SGCZ: variants seen among roughly 807,000 people sequenced by gnomAD.
The protein encoded by SGCZ is sarcoglycan zeta.
SGCZ carries 40 observed loss-of-function variants against 41.3 expected under a neutral mutation model. The observed-to-expected ratio is 0.97, with a 90% CI of 0.75 to 1.26. The LOEUF (loss-of-function observed/expected upper bound fraction) is 1.26, where lower values mean the gene tolerates loss of function less well. Ranked by LOEUF, SGCZ falls within the 50% of genes most tolerant of loss-of-function variation. The pLI, the probability that SGCZ is intolerant of heterozygous loss-of-function variation, is 0.00. For synonymous variants in SGCZ, 206 were observed against 137.5 expected (o/e 1.50, Z -3.49); for missense variants, 552 against 369.8 (o/e 1.49, Z -4.04).
At chr8:15,126,708 G>C (rs543336974) in intron 1 of SGCZ, among the ~76,000 whole-genome samples, 15 of 152,184 alleles carry the variant, frequency 9.9e-5, no homozygotes, top group Non-Finnish European at 1.9e-4. Flanking sequence ...CAGGAAGAGT[G>C]AACAGTGTGT....
intron 2 of SGCZ, among the ~76,000 whole-genome samples, chr8:14,530,633 T>A (rs979943879): frequency 6.6e-6 from 1 of 151,974 alleles, no homozygotes; most frequent in African/African-American, 2.4e-5. Flanking sequence ...GTAAAATGAA[T>A]CATCAAAAAC....
rs116607020 is a variant in SGCZ, at chr8:15,190,110, T to A, written c.39+47475A>T. Among the ~76,000 whole-genome samples, 1,291 of 152,270 alleles carry A rather than the reference T, an allele frequency of 8.5e-3. 19 individuals carry two copies. Among genetic ancestry groups the A allele is most frequent in the African/African-American group, 0.029 (1,208 of 41,546 alleles). On this transcript the variant is annotated intron_variant, in intron 1 of 7. Transcript: ENST00000382080. ...CAGGCACCTTCACAAACCCATGGTTTGATGTCTGCTTTACCTGAAATTCTC... is the reference window on the plus strand; with the variant it reads ...CAGGCACCTTCACAAACCCATGGTTAGATGTCTGCTTTACCTGAAATTCTC...
Position 14,500,472 on chromosome 8 carries a change from C to G in SGCZ, c.234+54260G>C, listed in dbSNP as rs533051430. ...TTTTTTTACTATTCATTAGAGAATG[C>G]CTAATTAGCTAGGAAGAAAAACATT... On this transcript the variant is annotated intron_variant, in intron 2 of 7. Coordinates refer to ENST00000382080, the MANE Select transcript of SGCZ (RefSeq NM_139167.4). Among the ~76,000 whole-genome samples, 9 of 151,492 alleles carry G rather than the reference C, an allele frequency of 5.9e-5. No individual in the cohort carries two copies. In the South Asian group the frequency reaches 1.9e-3, roughly 32 times the overall value.
At chr8:14,107,980 G>A (rs372494853) in intron 6 of SGCZ, among the ~76,000 whole-genome samples, 183 bp downstream of exon 6, 3 of 152,024 alleles carry the variant, frequency 2.0e-5, no homozygotes, top group South Asian at 2.1e-4. Flanking sequence ...CTCACTTACT[G>A]TATAACTGCC....
At position 14,704,095 on chromosome 8, in the gene SGCZ, C is replaced by T. The variant is rs561891326; in HGVS notation, c.40-149169G>A. Reference sequence around the variant, plus strand: ...AGCATAAGAAATCAGGAATCATGTCCGTTACGACACTAAAATATTATCCAG... The same window carrying T: ...AGCATAAGAAATCAGGAATCATGTCTGTTACGACACTAAAATATTATCCAG... On this transcript the variant is annotated intron_variant, in intron 1 of 7. Transcript: ENST00000382080. Among the ~76,000 whole-genome samples the T allele has an allele frequency of 1.1e-4, 17 of 152,048 alleles. 1 individual carries two copies. The highest frequency in any genetic ancestry group is 5.3e-4 in the Admixed American group (8 of 15,232).
In SGCZ at chr8:14,586,735, T is replaced by C. The variant is rs528620248; in HGVS notation, c.40-31809A>G. On this transcript the variant is annotated intron_variant, in intron 1 of 7. Coordinates refer to ENST00000382080, the MANE Select transcript of SGCZ (RefSeq NM_139167.4). The stretch of plus-strand genomic sequence containing the variant: ...CAATACTGGTACTAAAAATGTATTG[T>C]ATATCACTTTCTTTTATGAAATATC... Among the ~76,000 whole-genome samples the C allele has an allele frequency of 2.0e-5, 3 of 152,298 alleles. No individual in the cohort carries two copies. The South Asian group carries it at 6.2e-4, about 32-fold the overall frequency.
chr8:14,688,843 T>A (rs1403286537), intron 1 of SGCZ, among the ~76,000 whole-genome samples: 1 of 152,142 alleles, frequency 6.6e-6, no homozygotes, highest in Non-Finnish European at 1.5e-5. Flanking sequence ...GCAGACGACA[T>A]GATTGTATAT....
intron 2 of SGCZ, among the ~76,000 whole-genome samples, chr8:14,383,076 A>C (rs10092834): frequency 6.6e-6 from 1 of 152,162 alleles, no homozygotes; most frequent in Non-Finnish European, 1.5e-5. Flanking sequence ...ATTGTCCCCA[A>C]TCATAAGAAG....
In SGCZ at chr8:14,702,731, T is replaced by TAGATAGATA. The variant is rs149417372; in HGVS notation, c.40-147806_40-147805insTATCTATCT. On this transcript the variant is annotated intron_variant, in intron 1 of 7. Transcript: ENST00000382080. ...TATCAGCAAATTCTGCTGGCTTCAA[T>TAGATAGATA]GATAGATAGATAGATAGATAGATAG... 3.4e-3 allele frequency among the ~76,000 whole-genome samples: 313 copies of TAGATAGATA among 91,264 alleles called. 1 individual carries two copies. Among genetic ancestry groups the TAGATAGATA allele is most frequent in the African/African-American group, 8.6e-3 (242 of 28,070 alleles). The allele number at this position is 91,264 out of a possible 152,430, so 59.9% of individuals were successfully genotyped here. A position where few individuals can be genotyped will look rare whatever the true frequency, so the allele number is the denominator to read the frequency against.
At chr8:14,999,814 C>G (rs1802349244) in intron 1 of SGCZ, among the ~76,000 whole-genome samples, 1 of 152,164 alleles carries the variant, frequency 6.6e-6, no homozygotes, top group Admixed American at 6.5e-5. Flanking sequence ...AACCTAAAGA[C>G]AATCGCGGAA....
intron 5 of SGCZ, among the ~76,000 whole-genome samples, chr8:14,142,538 G>C (rs1803403286): frequency 6.6e-6 from 1 of 151,930 alleles, no homozygotes; most frequent in Non-Finnish European, 1.5e-5. Flanking sequence ...GTCGTTTTCT[G>C]CTCAGTTTGA....
At chr8:14,794,499 T>G (rs1402575132) in intron 1 of SGCZ, among the ~76,000 whole-genome samples, 1 of 152,118 alleles carries the variant, frequency 6.6e-6, no homozygotes, top group Non-Finnish European at 1.5e-5. Flanking sequence ...ATTCCCAGAA[T>G]GTACAACAAA....
chr8:14,590,877 A>T (rs1805218344), intron 1 of SGCZ, among the ~76,000 whole-genome samples: 1 of 148,814 alleles, frequency 6.7e-6, no homozygotes, highest in East Asian at 1.9e-4. Flanking sequence ...TAAAGTACTT[A>T]TACTATATAT....
intron 1 of SGCZ, among the ~76,000 whole-genome samples, chr8:14,964,472 C>A (rs1458322152): frequency 6.6e-6 from 1 of 152,236 alleles, no homozygotes; most frequent in East Asian, 1.9e-4. Flanking sequence ...AACTGGGTTA[C>A]CTCTAAAACA....
At chr8:14,239,099 T>C (rs1437138826) in intron 3 of SGCZ, among the ~76,000 whole-genome samples, 2 of 152,034 alleles carry the variant, frequency 1.3e-5, no homozygotes, top group African/African-American at 4.8e-5. Flanking sequence ...ATATTTAAAA[T>C]TAATTACATC....
chr8:15,051,838 C>T (rs949310548), intron 1 of SGCZ, among the ~76,000 whole-genome samples: 2 of 152,008 alleles, frequency 1.3e-5, no homozygotes, highest in Admixed American at 1.3e-4. Flanking sequence ...AGTCAAACTG[C>T]ACTTAGAGGT....
intron 1 of SGCZ, among the ~76,000 whole-genome samples, chr8:15,014,565 A>T (rs532549692): frequency 6.6e-6 from 1 of 152,338 alleles, no homozygotes; most frequent in East Asian, 1.9e-4. Flanking sequence ...CTACTCAAGA[A>T]ACATGAGGCT....
intron 1 of SGCZ, among the ~76,000 whole-genome samples, chr8:15,229,447 G>C (rs969897958): frequency 6.6e-6 from 1 of 152,136 alleles, no homozygotes; most frequent in Admixed American, 6.5e-5. Flanking sequence ...CTAAGGTAAA[G>C]GGGAACTAAT....
intron 1 of SGCZ, among the ~76,000 whole-genome samples, chr8:14,729,921 C>A (rs1160935672): frequency 6.6e-6 from 1 of 152,136 alleles, no homozygotes; most frequent in Non-Finnish European, 1.5e-5. Flanking sequence ...CCCATCTCTA[C>A]TAAAAATACA....
Sources: gnomAD v4.1 joint callset for allele counts (sites outside exome capture counted in the v4.1 genomes callset) on GRCh38, gnomAD v4.1.1 for gene constraint, MANE v1.5 for transcripts, NCBI Gene and HGNC (gene_info 2026-07-23, HGNC 2026-07-21) for gene names.